Variants in LIPA observed in about 807,000 individuals in gnomAD.
LIPA encodes lipase A, lysosomal acid type.
In LIPA, 26 loss-of-function variants were observed where a neutral mutation model predicts 40.6. That is an observed-to-expected ratio of 0.64 (90% confidence interval 0.47 to 0.89). The LOEUF (loss-of-function observed/expected upper bound fraction) is 0.89, where lower values mean the gene tolerates loss of function less well. LIPA is among the 40% of genes least tolerant of loss of function. The pLI, the probability that LIPA is intolerant of heterozygous loss-of-function variation, is 0.00. For missense variants in LIPA, 455 were observed against 479.6 expected, an observed-to-expected ratio of 0.95 and a Z score of 0.48; for synonymous variants, 188 against 168.4, an observed-to-expected ratio of 1.12 and a Z score of -0.90.
In LIPA at chr10:89,314,274, C is replaced by A. The variant is rs115125622; in HGVS notation, c.-2+28337G>T. On this transcript the variant is annotated intron_variant, in intron 1 of 5. Coordinates refer to the LIPA transcript ENST00000282673. ...ATATTTAAATACTCATACGCAGGAA[C>A]CTTACTGATTGGCAAATTGGCACAA... 2.0e-5 allele frequency among the ~76,000 whole-genome samples: 3 copies of A among 152,322 alleles called. No individual in the cohort carries two copies. The East Asian group carries it at 5.8e-4, about 29-fold the overall frequency.
At chr10:89,256,499 C>A (rs1395405194), upstream of LIPA, among the ~76,000 whole-genome samples, 1 of 152,160 alleles carries the variant, frequency 6.6e-6, no homozygotes, top group Admixed American at 6.5e-5. Flanking sequence ...AAAGAAATTT[C>A]ATGAAAGAGG....
intron 1 of LIPA, among the ~76,000 whole-genome samples, chr10:89,282,620 A>C (rs1006444400): frequency 2.6e-5 from 4 of 152,182 alleles, no homozygotes; most frequent in African/African-American, 9.7e-5. Flanking sequence ...AGCCTGGGTA[A>C]CAAGAGCGAA....
intron 1 of LIPA, among the ~76,000 whole-genome samples, chr10:89,275,516 G>A (rs1448205244): frequency 6.6e-6 from 1 of 152,178 alleles, no homozygotes; most frequent in African/African-American, 2.4e-5. Context: ...CCTGCCTTAT[G>A]TACTTGAAGC....
At chr10:89,307,487 A>T in intron 1 of LIPA, 3 of 847,878 alleles carry the variant, frequency 3.5e-6, no homozygotes, top group Non-Finnish European at 5.5e-6. Context: ...TTGGACTAAG[A>T]CACTGGCCAT....
chr10:89,234,699 G>A (rs1842883431), intron 3 of LIPA, among the ~76,000 whole-genome samples: 1 of 152,236 alleles, frequency 6.6e-6, no homozygotes, highest in African/African-American at 2.4e-5. Context: ...AGGATTTAAG[G>A]ATTGACTGGC....
chr10:89,255,921 C>T (rs1185390500), upstream of LIPA, among the ~76,000 whole-genome samples: 1 of 152,132 alleles, frequency 6.6e-6, no homozygotes, highest in East Asian at 1.9e-4. Context: ...GGTGGCACCA[C>T]AGAAATTATT....
chr10:89,409,582 T>C (rs549758750), intron 2 of LIPA, among the ~76,000 whole-genome samples: 1 of 152,274 alleles, frequency 6.6e-6, no homozygotes, highest in African/African-American at 2.4e-5. Flanking sequence ...AAGCACCAGC[T>C]CATGTCATCA....
rs201323681 is a variant in LIPA at position 89,336,219 on chromosome 10, AAGAG to A, written c.-2+6388_-2+6391del. 4.7e-5 allele frequency among the ~76,000 whole-genome samples: 7 copies of A among 149,140 alleles called. No individual in the cohort carries two copies. In the South Asian group the frequency reaches 8.8e-4, roughly 19 times the overall value. The stretch of plus-strand genomic sequence containing the variant: ...GAAAGAAGGAAAATAGGGAGGGAGG[AAGAG>A]AGGGAGGGAGGGAAAGAAGGAAGGA... On this transcript the variant is annotated intron_variant, in intron 1 of 5. Transcript: ENST00000282673.
chr10:89,296,499 A>G (rs1184808308), intron 1 of LIPA, among the ~76,000 whole-genome samples: 1 of 149,356 alleles, frequency 6.7e-6, no homozygotes, highest in Non-Finnish European at 1.5e-5. Context: ...CAAAAAAAAA[A>G]AAAAAAAGAA....
intron 6 of LIPA, 131 bp from the exon 7 acceptor site, chr10:89,223,961 A>G (rs1842735094): frequency 7.0e-6 from 6 of 852,892 alleles, no homozygotes; most frequent in Admixed American, 6.1e-5. Context: ...AATGGCAACC[A>G]GTGGACATCA....
At chr10:89,330,084 T>C (rs896678190) in intron 1 of LIPA, among the ~76,000 whole-genome samples, 2 of 152,074 alleles carry the variant, frequency 1.3e-5, no homozygotes, top group African/African-American at 4.8e-5. Flanking sequence ...TCTTTTGTGG[T>C]GGAATGTCAT....
At chr10:89,229,522 G>A (rs11203043) in intron 3 of LIPA, among the ~76,000 whole-genome samples, 57,025 of 152,034 alleles carry the variant, frequency 0.38, 11,214 homozygotes, top group Non-Finnish European at 0.44. Flanking sequence ...AGGCTGAGGC[G>A]AGTGGATCAC....
intron 1 of LIPA, chr10:89,305,984 G>C: frequency 3.7e-6 from 6 of 1,612,728 alleles, no homozygotes; most frequent in Non-Finnish European, 4.2e-6. Context: ...GAATTCCTTG[G>C]AGAGCAGCCT....
At chr10:89,400,446 C>A (rs1357144430) in intron 2 of LIPA, among the ~76,000 whole-genome samples, 3 of 152,138 alleles carry the variant, frequency 2.0e-5, no homozygotes, top group Non-Finnish European at 4.4e-5. Flanking sequence ...TCTTTAATTT[C>A]TTTCAGCAGT....
intron 2 of LIPA, among the ~76,000 whole-genome samples, chr10:89,360,962 G>A (rs1564799582): frequency 1.3e-5 from 2 of 152,044 alleles, no homozygotes; most frequent in African/African-American, 4.8e-5. Context: ...CTCTTCACAT[G>A]GCATCCTTCC....
chr10:89,383,185 A>G (rs1844176087), intron 2 of LIPA: 1 of 752,572 alleles, frequency 1.3e-6, no homozygotes, highest in Admixed American at 2.9e-5. Flanking sequence ...ATGACTGTAG[A>G]ACCCAGAGGG....
intron 2 of LIPA, among the ~76,000 whole-genome samples, chr10:89,364,476 C>T (rs1353155958): frequency 2.0e-5 from 3 of 152,122 alleles, no homozygotes; most frequent in Non-Finnish European, 4.4e-5. Flanking sequence ...GTGTGCACCA[C>T]AGTATCTCAG....
chr10:89,388,416 C>G (rs1472320815), intron 2 of LIPA, among the ~76,000 whole-genome samples: 1 of 152,142 alleles, frequency 6.6e-6, no homozygotes, highest in Non-Finnish European at 1.5e-5. Flanking sequence ...GAAAAAAATT[C>G]TTAAACTCTA....
intron 8 of LIPA, among the ~76,000 whole-genome samples, chr10:89,217,852 T>A (rs1842647231): frequency 2.0e-5 from 3 of 152,236 alleles, no homozygotes; most frequent in Admixed American, 2.0e-4. Context: ...GGCATTTCTT[T>A]TTACCGGGCG....
Sources: gnomAD v4.1 joint callset for allele counts (sites outside exome capture counted in the v4.1 genomes callset) on GRCh38, gnomAD v4.1.1 for gene constraint, MANE v1.5 for transcripts, NCBI Gene and HGNC (gene_info 2026-07-23, HGNC 2026-07-21) for gene names.